Variants in OTOP1 observed in about 807,000 individuals in gnomAD.
OTOP1 encodes otopetrin 1.
OTOP1 carries 59 observed loss-of-function variants against 52.9 expected under a neutral mutation model. The observed-to-expected ratio is 1.12, with a 90% CI of 0.91 to 1.39. The LOEUF (loss-of-function observed/expected upper bound fraction) is 1.39, where lower values mean the gene tolerates loss of function less well. Ranked by LOEUF, OTOP1 falls within the 40% of genes most tolerant of loss-of-function variation. OTOP1 has a pLI of 0.00. For synonymous variants in OTOP1, 317 were observed against 337.7 expected, an observed-to-expected ratio of 0.94 and a Z score of 0.67; for missense variants, 761 against 800.9, an observed-to-expected ratio of 0.95 and a Z score of 0.60.
intron 5 of OTOP1, among the ~76,000 whole-genome samples, chr4:4,196,001 G>A (rs961893344): frequency 1.2e-4 from 19 of 152,152 alleles, no homozygotes; most frequent in African/African-American, 3.4e-4. Context: ...GTAGAATACA[G>A]GTCTATTTTC....
chr4:4,204,174 A>T (rs777185398), intron 3 of OTOP1, among the ~76,000 whole-genome samples: 16 of 152,290 alleles, frequency 1.1e-4, no homozygotes, highest in Non-Finnish European at 1.9e-4. Flanking sequence ...ACCTTGCCTC[A>T]TTTGAATCCT....
rs1717454781 is a variant in OTOP1 at position 4,226,911 on chromosome 4, G to C, written c.-47C>G. On this transcript the variant is annotated 5_prime_UTR_variant, in exon 1 of 6. Coordinates refer to ENST00000296358, the MANE Select transcript of OTOP1 (RefSeq NM_177998.3). The stretch of plus-strand genomic sequence containing the variant: ...TCTGGTCCCGGGGGTGGCTGCCGTC[G>C]GGCCCCGCCTGCGCTCCTGGCTCCT... 8 of 1,291,652 alleles carry C rather than the reference G, an allele frequency of 6.2e-6. No homozygotes were observed. Among genetic ancestry groups the C allele is most frequent in the Non-Finnish European group, 7.8e-6 (8 of 1,022,530 alleles). 80.0% of individuals were successfully genotyped at this position (1,291,652 alleles called of 1,614,324 possible).
rs780106668 is a variant in OTOP1, at chr4:4,202,549, T to G, written c.629A>C (p.Asn210Thr). 1 of 1,613,934 alleles carries G rather than the reference T, an allele frequency of 6.2e-7. No homozygotes were observed. Among genetic ancestry groups the G allele is most frequent in the African/African-American group, 1.3e-5 (1 of 74,922 alleles). Residue 210 changes from asparagine to threonine, a missense_variant, in exon 4 of 6, where the codon AAC becomes ACC. Physicochemically the swap from Asn to Thr is moderately conservative, Grantham distance 65. Transcript: ENST00000296358. ...RFGVIHSVFT[N>T]LLLWANGVLN... ...GACGCCATTGGCCCACAGAAGCAGG[T>G]TGGTGAACACCGAGTGGATCACTCC...
chr4:4,221,869 G>C (rs1008594882), intron 1 of OTOP1, among the ~76,000 whole-genome samples: 3 of 152,126 alleles, frequency 2.0e-5, no homozygotes, highest in Admixed American at 2.0e-4. Context: ...GCCCTCCTCA[G>C]CCTCCCAAAG....
rs1321218698 is a variant in OTOP1, at chr4:4,221,637, G to A, written c.403+4825C>T. 2.6e-5 allele frequency among the ~76,000 whole-genome samples: 4 copies of A among 152,146 alleles called. No homozygotes were observed. The East Asian group carries it at 7.7e-4, about 29-fold the overall frequency. ...AGGTCATGCTCCCCAGCTTCCCAGT[G>A]AGGGCTCATTAGTTGTTTGTTTATT... On this transcript the variant is annotated intron_variant, in intron 1 of 5. Transcript: ENST00000296358.
intron 1 of OTOP1, among the ~76,000 whole-genome samples, chr4:4,222,089 A>G (rs1717315871): frequency 6.6e-6 from 1 of 152,172 alleles, no homozygotes; most frequent in Admixed American, 6.5e-5. Flanking sequence ...ATTGGCATTT[A>G]CTACATGTTA....
Position 4,219,976 on chromosome 4 carries a change from CATATATACGT to C in OTOP1, c.403+6476_403+6485del, listed in dbSNP as rs1350723583. Among the ~76,000 whole-genome samples the C allele has an allele frequency of 5.1e-4, 69 of 135,670 alleles. 1 individual carries two copies. Among genetic ancestry groups the C allele is most frequent in the African/African-American group, 1.6e-3 (57 of 35,228 alleles). The allele number at this position is 135,670 out of a possible 152,430, so 89.0% of individuals were successfully genotyped here. On this transcript the variant is annotated intron_variant, in intron 1 of 5. Transcript: ENST00000296358. ...ACGTATACATGTATACATATATACA[CATATATACGT>C]ATATAGGTGTATATACATATATATG...
chr4:4,197,455 G>T lies in OTOP1; in HGVS notation c.1379C>A (p.Thr460Asn), dbSNP rs761243874. The T allele has an allele frequency of 6.2e-7, 1 of 1,614,136 alleles. No individual in the cohort carries two copies. The highest frequency in any genetic ancestry group is 8.5e-7 in the Non-Finnish European group (1 of 1,180,022). ...EPEKLSEDIQ[T>N]LRVVTVCNGN... ...ATTGCAGACTGTGACCACCCGAAGGGTTTGGATGTCCTCAGAGAGTTTTTC... is the reference window on the plus strand; with the variant it reads ...ATTGCAGACTGTGACCACCCGAAGGTTTTGGATGTCCTCAGAGAGTTTTTC... Residue 460 changes from threonine to asparagine, a missense_variant, in exon 5 of 6, where the codon ACC becomes AAC. This residue lies in a region of OTOP1 where 632 missense variants were observed against 619.5 expected (regional missense o/e 1.02). Transcript: ENST00000296358.
rs552663680 is a variant in OTOP1 at position 4,202,599 on chromosome 4, G to C, written c.600-21C>G. The C allele has an allele frequency of 5.6e-6, 9 of 1,612,542 alleles. No homozygotes were observed. The African/African-American group carries it at 8.0e-5, about 14-fold the overall frequency. The stretch of plus-strand genomic sequence containing the variant: ...CAAACCTGAAAAACACAAGGACTCA[G>C]TTCTCAAGCAGCCCTGGGAGAGCCT... On this transcript the variant is annotated intron_variant, in intron 3 of 5. Transcript: ENST00000296358.
At chr4:4,205,224 A>G (rs762385151) in intron 3 of OTOP1, among the ~76,000 whole-genome samples, 10 of 152,194 alleles carry the variant, frequency 6.6e-5, no homozygotes, top group African/African-American at 9.7e-5. Flanking sequence ...TGCCTGTTAC[A>G]CGGTGCTTTA....
At chr4:4,213,431 A>T (rs1717066487) in intron 1 of OTOP1, among the ~76,000 whole-genome samples, 1 of 152,250 alleles carries the variant, frequency 6.6e-6, no homozygotes. Context: ...ATCACAGGAC[A>T]CTACCAACGA....
At chr4:4,225,989 A>G (rs79026018) in intron 1 of OTOP1, among the ~76,000 whole-genome samples, 1 of 152,196 alleles carries the variant, frequency 6.6e-6, no homozygotes, top group Non-Finnish European at 1.5e-5. Context: ...CCTGGAGGAG[A>G]GAACCGAAGG....
At chr4:4,198,876 C>G (rs967003705) in intron 4 of OTOP1, among the ~76,000 whole-genome samples, 1 of 152,060 alleles carries the variant, frequency 6.6e-6, no homozygotes, top group Non-Finnish European at 1.5e-5. Context: ...CTCAAAGGGA[C>G]AAATAAAAAA....
rs1560213414 is a variant in OTOP1, at chr4:4,226,830, CG to C, written c.34del (p.Arg12GlyfsTer50). 1 of 1,347,722 alleles carries C rather than the reference CG, an allele frequency of 7.4e-7. No individual in the cohort carries two copies. Among genetic ancestry groups the C allele is most frequent in the Non-Finnish European group, 9.5e-7 (1 of 1,055,236 alleles). The allele number at this position is 1,347,722 out of a possible 1,614,324, so 83.5% of individuals were successfully genotyped here. On this transcript the variant is annotated frameshift_variant, in exon 1 of 6. Coordinates refer to ENST00000296358, the MANE Select transcript of OTOP1 (RefSeq NM_177998.3). LOFTEE classifies it high-confidence loss of function. ...LEGLGSPASP[R>X]AAASASVAGS... Reference sequence around the variant, plus strand: ...TGCGACCGAGGCGCTTGCAGCTGCCCGGGGCGAGGCGGGCGACCCCAGGCCC... The same window carrying C: ...TGCGACCGAGGCGCTTGCAGCTGCCCGGGCGAGGCGGGCGACCCCAGGCCC...
At chr4:4,204,970 C>T (rs1716867816) in intron 3 of OTOP1, among the ~76,000 whole-genome samples, 1 of 152,084 alleles carries the variant, frequency 6.6e-6, no homozygotes, top group African/African-American at 2.4e-5. Flanking sequence ...GACGGGGTTT[C>T]ACCACATTGG....
At chr4:4,201,148 G>A (rs1425937194) in intron 4 of OTOP1, among the ~76,000 whole-genome samples, 1 of 152,132 alleles carries the variant, frequency 6.6e-6, no homozygotes, top group Non-Finnish European at 1.5e-5. Flanking sequence ...TCTACCTGAG[G>A]CCAGGCGCAG....
intron 1 of OTOP1, among the ~76,000 whole-genome samples, chr4:4,217,490 C>A (rs892988232): frequency 2.0e-5 from 3 of 152,168 alleles, no homozygotes; most frequent in African/African-American, 7.2e-5. Flanking sequence ...TGAAGATACA[C>A]AAAATGTAAT....
Position 4,197,206 on chromosome 4 carries a change from A to T in OTOP1, c.1628T>A (p.Leu543Gln). Residue 543 changes from leucine (L) to glutamine (Q), a missense_variant, in exon 5 of 6, where the codon CTG becomes CAG. Leu to Gln is a moderately radical substitution (Grantham distance 113, BLOSUM62 -2). Coordinates refer to ENST00000296358, the MANE Select transcript of OTOP1 (RefSeq NM_177998.3). ...FLQGNAKRKV[L>Q]RNIAAFLFLC... is the part of the protein sequence containing the mutation. ...GAACAAGAAGGCTGCAATATTCCTC[A>T]GGACTTTTCTCTTGGCGTTGCCCTG... 6.2e-7 allele frequency: 1 copy of T among 1,612,782 alleles called. No individual in the cohort carries two copies. Among genetic ancestry groups the T allele is most frequent in the Non-Finnish European group, 8.5e-7 (1 of 1,179,764 alleles).
In OTOP1 at chr4:4,197,953, C is replaced by T. The variant is rs754065525; in HGVS notation, c.881G>A (p.Arg294His). The change falls in exon 5 of 6, where the codon CGC (arginine) becomes CAC (histidine). Residue 294 changes from arginine (R) to histidine (H), a missense_variant. Arg to His is a conservative substitution (Grantham distance 29). This residue lies in a region of OTOP1 where 632 missense variants were observed against 619.5 expected (regional missense o/e 1.02). Transcript: ENST00000296358. ...CTGGTGCTGATGGCTGTCAACTTTG[C>T]GCCCGATGTTCTTCCACAGGACGTA... is the stretch of plus-strand genomic sequence containing the variant. ...MLYVLWKNIGRKVDSHQHQKM... is the reference protein window; with the variant it reads ...MLYVLWKNIGHKVDSHQHQKM... 15 of 1,613,874 alleles carry T rather than the reference C, an allele frequency of 9.3e-6. No individual in the cohort carries two copies. The highest frequency in any genetic ancestry group is 1.3e-5 in the African/African-American group (1 of 74,838).
Sources: gnomAD v4.1 joint callset for allele counts (sites outside exome capture counted in the v4.1 genomes callset) on GRCh38, gnomAD v4.1.1 for gene constraint, gnomAD v4.1.1 regional missense constraint, MANE v1.5 for transcripts, NCBI Gene and HGNC (gene_info 2026-07-23, HGNC 2026-07-21) for gene names.